The following ZRANB3 variants were observed in gnomAD, a reference collection of about 807,000 sequenced individuals.
The protein encoded by ZRANB3 is DNA annealing helicase and endonuclease ZRANB3.
ZRANB3 carries 125 observed loss-of-function variants against 133.8 expected under a neutral mutation model. That is an observed-to-expected ratio of 0.93 (90% CI 0.81 to 1.08). The LOEUF is 1.08. Among genes scored for constraint, ZRANB3 ranks in the 50% least tolerant of loss-of-function variants. The pLI, the probability that ZRANB3 is intolerant of heterozygous loss-of-function variation, is 0.00. For synonymous variants in ZRANB3, 387 were observed against 432.7 expected (o/e 0.89, Z 1.31); for missense variants, 1,229 against 1,275.5 (o/e 0.96, Z 0.56).
At chr2:135,515,083 T>C (rs1225613579) in intron 1 of ZRANB3, among the ~76,000 whole-genome samples, 3 of 152,194 alleles carry the variant, frequency 2.0e-5, no homozygotes, top group Middle Eastern at 3.2e-3. Context: ...TCAGAAATAA[T>C]GGCCAGAAAT....
At chr2:135,467,484 C>T (rs1220240341) in intron 2 of ZRANB3, among the ~76,000 whole-genome samples, 1 of 152,202 alleles carries the variant, frequency 6.6e-6, no homozygotes, top group Non-Finnish European at 1.5e-5. Context: ...CTGTACTATG[C>T]CCATCTCTGC....
chr2:135,435,461 C>A (rs1689492519), intron 2 of ZRANB3, among the ~76,000 whole-genome samples: 3 of 152,298 alleles, frequency 2.0e-5, no homozygotes, highest in South Asian at 2.1e-4. Context: ...CATTCACATG[C>A]ATGTGTCTTT....
At chr2:135,243,819 T>C in intron 12 of ZRANB3, among the ~76,000 whole-genome samples, 1 of 152,026 alleles carries the variant, frequency 6.6e-6, no homozygotes, top group East Asian at 1.9e-4. Flanking sequence ...AGGGTCTCCC[T>C]GTGTTGCCTG....
intron 2 of ZRANB3, among the ~76,000 whole-genome samples, chr2:135,447,653 T>G (rs973483438): frequency 6.6e-6 from 1 of 152,178 alleles, no homozygotes; most frequent in African/African-American, 2.4e-5. Flanking sequence ...CCTTCTGCTG[T>G]TGGATATGTA....
intron 2 of ZRANB3, among the ~76,000 whole-genome samples, chr2:135,492,248 T>G (rs1692419984): frequency 6.6e-6 from 1 of 152,166 alleles, no homozygotes; most frequent in Admixed American, 6.5e-5. Context: ...CACTGTTACT[T>G]AAGAGAAAAG....
chr2:135,302,618 T>C (rs1303111563), intron 8 of ZRANB3, among the ~76,000 whole-genome samples: 1 of 151,646 alleles, frequency 6.6e-6, no homozygotes, highest in Non-Finnish European at 1.5e-5. Flanking sequence ...CTCCACCTCC[T>C]GAGCTCAAGC....
At chr2:135,492,771 G>A (rs2104808076) in intron 2 of ZRANB3, among the ~76,000 whole-genome samples, 1 of 152,062 alleles carries the variant, frequency 6.6e-6, no homozygotes, top group Non-Finnish European at 1.5e-5. Flanking sequence ...GAACCATGCA[G>A]AGCAACAAGA....
At position 135,271,789 on chromosome 2, in the gene ZRANB3, T is replaced by G. The variant is rs1275773924; in HGVS notation, c.1185A>C (p.Leu395=). ...QKDPDTRVAI[L]SIQAAGQGLT... is the part of the protein sequence containing the mutation. ...TTACCTGGCCAGCAGCCTGAATGCT[T>G]AGGATAGCCACGCGAGTGTCAGGAT... The change falls in exon 10 of 21, where the codon CTA becomes CTC. Residue 395 remains leucine (L), a synonymous_variant. Coordinates refer to ENST00000264159, the MANE Select transcript of ZRANB3 (RefSeq NM_032143.4). 3.1e-6 allele frequency: 5 copies of G among 1,613,360 alleles called. No homozygotes were observed. The East Asian group carries it at 1.1e-4, about 36-fold the overall frequency.
chr2:135,510,811 G>A (rs1693418835), intron 1 of ZRANB3: 1 of 837,720 alleles, frequency 1.2e-6, no homozygotes, highest in Non-Finnish European at 2.1e-6. Flanking sequence ...CCAAAACTGG[G>A]TAATTTCCCA....
intron 2 of ZRANB3, among the ~76,000 whole-genome samples, chr2:135,446,647 A>G (rs1273559207): frequency 2.6e-5 from 4 of 152,204 alleles, no homozygotes; most frequent in African/African-American, 7.2e-5. Context: ...AGAAAATAAG[A>G]AGGAGCAAGA....
At chr2:135,316,979 A>ATAT (rs1216261001) in intron 6 of ZRANB3, among the ~76,000 whole-genome samples, 38 of 143,130 alleles carry the variant, frequency 2.7e-4, no homozygotes, top group African/African-American at 1.0e-3. Context: ...AAAAAAAAAA[A>ATAT]AAAAATATAT....
At position 135,237,118 on chromosome 2, in the gene ZRANB3, C is replaced by A. The variant is rs1268487321; in HGVS notation, c.1540-6191G>T. 3.6e-4 allele frequency among the ~76,000 whole-genome samples: 55 copies of A among 152,182 alleles called. 1 individual carries two copies. Among genetic ancestry groups the A allele is most frequent in the East Asian group, 3.9e-4 (2 of 5,182 alleles). ...AGAAAAAAACAAACAACCCCATCGA[C>A]AAGTGGGCGAAGGATATGAACAGAC... On this transcript the variant is annotated intron_variant, in intron 12 of 20. Coordinates refer to ENST00000264159, the MANE Select transcript of ZRANB3 (RefSeq NM_032143.4).
At chr2:135,516,697 C>T (rs1228227290) in intron 1 of ZRANB3, among the ~76,000 whole-genome samples, 1 of 152,012 alleles carries the variant, frequency 6.6e-6, no homozygotes, top group Non-Finnish European at 1.5e-5. Flanking sequence ...CTCTGGCTGC[C>T]CTTAACATTT....
chr2:135,474,208 C>CA (rs1219438131), intron 2 of ZRANB3, among the ~76,000 whole-genome samples: 1 of 151,812 alleles, frequency 6.6e-6, no homozygotes, highest in African/African-American at 2.4e-5. Context: ...AACAAACTGA[C>CA]AAAAAACCAA....
At chr2:135,333,679 C>A (rs1684251466) in intron 6 of ZRANB3, among the ~76,000 whole-genome samples, 1 of 152,088 alleles carries the variant, frequency 6.6e-6, no homozygotes, top group African/African-American at 2.4e-5. Flanking sequence ...GAGTTTCAAT[C>A]TGTAATGATG....
intron 8 of ZRANB3, among the ~76,000 whole-genome samples, chr2:135,311,533 A>C (rs1270741230): frequency 2.0e-5 from 3 of 152,072 alleles, no homozygotes. Context: ...TTGACTTACA[A>C]TAGTCTAAAA....
At chr2:135,408,945 G>T (rs1688176741) in intron 2 of ZRANB3, among the ~76,000 whole-genome samples, 1 of 151,942 alleles carries the variant, frequency 6.6e-6, no homozygotes. Context: ...CTGCACGTTG[G>T]CAGATGTACC....
intron 6 of ZRANB3, among the ~76,000 whole-genome samples, chr2:135,343,342 G>A (rs1049857681): frequency 2.7e-5 from 4 of 149,898 alleles, no homozygotes; most frequent in South Asian, 4.1e-4. Context: ...AATTCCTAAT[G>A]TGAATGCCAT....
At chr2:135,304,997 G>C (rs991984390) in intron 8 of ZRANB3, among the ~76,000 whole-genome samples, 4 of 151,360 alleles carry the variant, frequency 2.6e-5, no homozygotes, top group Admixed American at 2.6e-4. Flanking sequence ...TGTTTTTTGA[G>C]ATGGGGTCTC....
Sources: gnomAD v4.1 joint callset for allele counts (sites outside exome capture counted in the v4.1 genomes callset) on GRCh38, gnomAD v4.1.1 for gene constraint, MANE v1.5 for transcripts, NCBI Gene and HGNC (gene_info 2026-07-23, HGNC 2026-07-21) for gene names.